HDHD5: variants seen among roughly 807,000 people sequenced by gnomAD.
HDHD5 encodes the protein haloacid dehalogenase-like hydrolase domain-containing 5.
A neutral mutation model predicts 35.5 loss-of-function variants in HDHD5; 34 were observed. That is an observed-to-expected ratio of 0.96 (90% CI 0.73 to 1.28). The LOEUF is 1.28. Ranked by LOEUF, HDHD5 falls within the 50% of genes most tolerant of loss-of-function variation. The probability of loss-of-function intolerance (pLI) is 0.00; values close to 1 mark genes in which losing one functional copy is unlikely to be tolerated. For synonymous variants in HDHD5, 248 were observed against 240.6 expected, an observed-to-expected ratio of 1.03 and a Z score of -0.29; for missense variants, 589 against 560.2, an observed-to-expected ratio of 1.05 and a Z score of -0.52.
chr22:17,163,799 G>A (rs756154610), upstream of HDHD5, among the ~76,000 whole-genome samples: 8 of 152,154 alleles, frequency 5.3e-5, no homozygotes, highest in Non-Finnish European at 1.0e-4. Context: ...GGGAAGTTCC[G>A]GCCTCACACG....
At chr22:17,157,115 A>ACACACACACACACAC (rs1244963563) in intron 1 of HDHD5, among the ~76,000 whole-genome samples, 6 of 81,008 alleles carry the variant, frequency 7.4e-5, no homozygotes, top group East Asian at 4.2e-4. Flanking sequence ...CACACACACA[A>ACACACACACACACAC]AAGAAAAAAG....
intron 5 of HDHD5, 47 bp downstream of exon 5, chr22:17,143,051 G>A: frequency 6.2e-7 from 1 of 1,600,688 alleles, no homozygotes; most frequent in Non-Finnish European, 8.5e-7. Flanking sequence ...GGCCAGAGAG[G>A]AGACGGAGAA....
upstream of HDHD5, chr22:17,159,329 G>A (rs1213399867): frequency 1.7e-6 from 2 of 1,203,266 alleles, no homozygotes; most frequent in East Asian, 6.9e-5. Context: ...GCCAATCAGC[G>A]GTCGGCGCGC....
chr22:17,139,509 A>C (rs1454481807), intron 6 of HDHD5, among the ~76,000 whole-genome samples: 21 of 150,770 alleles, frequency 1.4e-4, no homozygotes, highest in South Asian at 1.3e-3. Flanking sequence ...GCCTGGGCAA[A>C]AGAGCAAGAC....
intron 3 of HDHD5, among the ~76,000 whole-genome samples, chr22:17,147,479 A>C (rs1290395617): frequency 3.9e-4 from 27 of 68,610 alleles, no homozygotes; most frequent in South Asian, 1.1e-3. Context: ...CCTGTGGCAC[A>C]CTCCTGTGAG....
chr22:17,143,044 C>T, intron 5 of HDHD5, 54 bp downstream of exon 5: 1 of 1,595,554 alleles, frequency 6.3e-7, no homozygotes, highest in Non-Finnish European at 8.6e-7. Context: ...GCCTGAGGGC[C>T]AGAGAGGAGA....
intron 6 of HDHD5, among the ~76,000 whole-genome samples, chr22:17,140,223 C>G (rs1446573201): frequency 6.6e-6 from 1 of 152,208 alleles, no homozygotes; most frequent in African/African-American, 2.4e-5. Flanking sequence ...CAGATAACAG[C>G]AACCGAACAG....
Position 17,140,238 on chromosome 22 carries a change from C to T in HDHD5, c.746+821G>A, listed in dbSNP as rs539416138. 1.4e-4 allele frequency among the ~76,000 whole-genome samples: 21 copies of T among 152,300 alleles called. No individual in the cohort carries two copies. The East Asian group carries it at 3.7e-3, about 27-fold the overall frequency. On this transcript the variant is annotated intron_variant, in intron 6 of 7. Transcript: ENST00000336737. ...CAGATAACAGCAACCGAACAGTACA[C>T]AGCAGCTGTCAGCTGGCCTTCAAGT...
chr22:17,147,448 T>C (rs1316057), intron 3 of HDHD5, among the ~76,000 whole-genome samples: 1 of 91,898 alleles, frequency 1.1e-5, no homozygotes. Context: ...GGCCTTCACA[T>C]GCCATCGCAC....
chr22:17,151,074 C>T (rs2061719861), intron 1 of HDHD5, among the ~76,000 whole-genome samples: 1 of 152,186 alleles, frequency 6.6e-6, no homozygotes, highest in South Asian at 2.1e-4. Flanking sequence ...AATGTAATTA[C>T]ATAAACACCA....
chr22:17,145,268 C>G, intron 3 of HDHD5, 151 bp from the exon 4 acceptor site: 1 of 1,369,608 alleles, frequency 7.3e-7, no homozygotes, highest in Non-Finnish European at 9.9e-7. Flanking sequence ...GGCACAAATC[C>G]TGCAGGTGCT....
intron 6 of HDHD5, among the ~76,000 whole-genome samples, chr22:17,140,798 C>G (rs2061590950): frequency 6.6e-6 from 1 of 152,188 alleles, no homozygotes; most frequent in Admixed American, 6.5e-5. Flanking sequence ...GTAAAGATTA[C>G]AGGGGGCAGG....
intron 1 of HDHD5, among the ~76,000 whole-genome samples, chr22:17,151,099 G>A (rs1225322102): frequency 1.3e-5 from 2 of 152,100 alleles, no homozygotes; most frequent in East Asian, 1.9e-4. Context: ...ACAAACTGCT[G>A]TTCAAAAACA....
At chr22:17,138,412 T>C (rs1026297664) in intron 7 of HDHD5, 55 bp from the exon 8 acceptor site, 13 of 1,573,770 alleles carry the variant, frequency 8.3e-6, no homozygotes, top group Admixed American at 1.8e-5. Flanking sequence ...CCTAAATCAA[T>C]GTTGCAAAGC....
intron 3 of HDHD5, among the ~76,000 whole-genome samples, chr22:17,147,411 C>A (rs1485487419): frequency 7.8e-6 from 1 of 128,322 alleles, no homozygotes; most frequent in Non-Finnish European, 1.6e-5. Flanking sequence ...ACGCCCCACA[C>A]CTGCGACGCC....
chr22:17,151,744 AAAAAAAAAG>A (rs1260777486), intron 1 of HDHD5, among the ~76,000 whole-genome samples: 2 of 148,522 alleles, frequency 1.3e-5, no homozygotes, highest in Admixed American at 7.3e-5. Context: ...AAAAAAAAAA[AAAAAAAAAG>A]AAGAAGAAAG....
In HDHD5 at chr22:17,156,732, C is replaced by T. The variant is rs1438557860; in HGVS notation, c.126+2394G>A. ...CAGAGCTTGCAGTGAGCCGAGACCA[C>T]GCCACTCCACTCCAGCCTGGGCAAC... On this transcript the variant is annotated intron_variant, in intron 1 of 7. Transcript: ENST00000336737. 1.1e-4 allele frequency among the ~76,000 whole-genome samples: 16 copies of T among 150,914 alleles called. No homozygotes were observed. The East Asian group carries it at 1.8e-3, about 17-fold the overall frequency.
At chr22:17,160,647 T>G (rs1452252468), upstream of HDHD5, among the ~76,000 whole-genome samples, 4 of 115,238 alleles carry the variant, frequency 3.5e-5, no homozygotes, top group Middle Eastern at 7.6e-3. Flanking sequence ...AGACTCCGTC[T>G]TGAAAAAAAA....
intron 1 of HDHD5, among the ~76,000 whole-genome samples, chr22:17,157,127 T>C (rs1368787265): frequency 8.4e-6 from 1 of 119,120 alleles, no homozygotes; most frequent in Non-Finnish European, 1.8e-5. Flanking sequence ...AGAAAAAAGC[T>C]ATGGAACAAT....
Sources: allele counts gnomAD v4.1 joint callset (sites outside exome capture counted in the v4.1 genomes callset), GRCh38; gene constraint gnomAD v4.1.1; transcripts MANE v1.5; gene names NCBI Gene and HGNC (gene_info 2026-07-23, HGNC 2026-07-21).